The following PPARGC1A variants were observed in gnomAD, a reference collection of about 807,000 sequenced individuals.
PPARGC1A encodes the protein peroxisome proliferator-activated receptor gamma coactivator 1-alpha.
In PPARGC1A, 25 loss-of-function variants were observed where a neutral mutation model predicts 88.7. That is an observed-to-expected ratio of 0.28 (90% CI 0.21 to 0.39). The LOEUF (loss-of-function observed/expected upper bound fraction) is 0.39, where lower values mean the gene tolerates loss of function less well. Ranked by LOEUF, PPARGC1A falls within the 10% of genes least tolerant of loss-of-function variation. The pLI, the probability that PPARGC1A is intolerant of heterozygous loss-of-function variation, is 1.00. For missense variants in PPARGC1A, 880 were observed against 968.7 expected (o/e 0.91, Z 1.22); for synonymous variants, 363 against 355.6 (o/e 1.02, Z -0.24).
the PPARGC1A span, among the ~76,000 whole-genome samples, chr4:24,355,731 G>C: frequency 6.6e-6 from 1 of 152,078 alleles, no homozygotes. Context: ...TCACAAACCC[G>C]CCGAGAGACA....
the PPARGC1A span, among the ~76,000 whole-genome samples, chr4:24,367,483 C>T: frequency 1.3e-5 from 2 of 152,088 alleles, no homozygotes; most frequent in Non-Finnish European, 2.9e-5. Context: ...GCAATGAGCT[C>T]TGATATGTGA....
At chr4:24,189,403 C>T in the PPARGC1A span, among the ~76,000 whole-genome samples, 1 of 152,116 alleles carries the variant, frequency 6.6e-6, no homozygotes, top group Admixed American at 6.5e-5. Flanking sequence ...TCCATTCACT[C>T]TGCGCATGTA....
At chr4:23,954,382 T>C in the PPARGC1A span, among the ~76,000 whole-genome samples, 1 of 152,038 alleles carries the variant, frequency 6.6e-6, no homozygotes. Context: ...TTAGAGGCTC[T>C]CTGGACAATT....
intron 1 of PPARGC1A, among the ~76,000 whole-genome samples, chr4:23,886,111 C>T (rs1381980536): frequency 6.6e-6 from 1 of 152,146 alleles, no homozygotes; most frequent in Non-Finnish European, 1.5e-5. Context: ...ACAGTAAGGA[C>T]TTCATCCACC....
chr4:24,428,768 C>T, the PPARGC1A span, among the ~76,000 whole-genome samples: 1 of 152,224 alleles, frequency 6.6e-6, no homozygotes, highest in Non-Finnish European at 1.5e-5. Flanking sequence ...GACACCCCTC[C>T]TCTCTTTCCT....
the PPARGC1A span, among the ~76,000 whole-genome samples, chr4:24,174,983 A>T: frequency 6.6e-6 from 1 of 152,154 alleles, no homozygotes; most frequent in African/African-American, 2.4e-5. Flanking sequence ...CTTCTCTGGT[A>T]ATACTAAATA....
In PPARGC1A at chr4:23,824,476, G is replaced by A; in HGVS notation, c.790C>T (p.Pro264Ser). 1 of 1,610,138 alleles carries A rather than the reference G, an allele frequency of 6.2e-7. No individual in the cohort carries two copies. Among genetic ancestry groups the A allele is most frequent in the Non-Finnish European group, 8.5e-7 (1 of 1,176,942 alleles). ...KPTTLSLPLT[P>S]ESPNDPKGSP... Reference sequence around the variant, plus strand: ...CTTAATACTTACTTTGGTGACTCTGGGGTCAGAGGAAGAGATAAAGTTGTT... The same window carrying A: ...CTTAATACTTACTTTGGTGACTCTGAGGTCAGAGGAAGAGATAAAGTTGTT... The change falls in exon 6 of 13, where the codon CCA (proline) becomes TCA (serine). Residue 264 changes from proline to serine, a missense_variant. Coordinates refer to ENST00000264867, the MANE Select transcript of PPARGC1A (RefSeq NM_013261.5).
intron 2 of PPARGC1A, among the ~76,000 whole-genome samples, chr4:23,860,631 C>T (rs1367982190): frequency 6.6e-6 from 1 of 152,136 alleles, no homozygotes; most frequent in Admixed American, 6.5e-5. Flanking sequence ...GCAGAGGAAG[C>T]ACCACTAAAC....
the PPARGC1A span, among the ~76,000 whole-genome samples, chr4:24,066,849 G>GTTTTTTTTT: frequency 7.7e-4 from 78 of 100,844 alleles, no homozygotes; most frequent in African/African-American, 1.3e-3. Context: ...TTTGTTTTGG[G>GTTTTTTTTT]TTTTTTTTTT....
the PPARGC1A span, among the ~76,000 whole-genome samples, chr4:23,981,988 C>T: frequency 1.3e-5 from 2 of 152,016 alleles, no homozygotes; most frequent in African/African-American, 4.8e-5. Flanking sequence ...ACATAAAGAG[C>T]CAGAATTAAG....
At chr4:24,314,123 T>C in the PPARGC1A span, among the ~76,000 whole-genome samples, 5,530 of 152,200 alleles carry the variant, frequency 0.036, 127 homozygotes, top group Admixed American at 0.056. Context: ...GAGTAAAAAA[T>C]GCACTAGTGA....
the PPARGC1A span, among the ~76,000 whole-genome samples, chr4:23,922,551 G>A: frequency 6.6e-6 from 1 of 152,200 alleles, no homozygotes; most frequent in Non-Finnish European, 1.5e-5. Flanking sequence ...GAAACAAAAA[G>A]AGTAAGAGCA....
chr4:24,204,722 T>C, the PPARGC1A span, among the ~76,000 whole-genome samples: 10 of 152,166 alleles, frequency 6.6e-5, no homozygotes, highest in Non-Finnish European at 1.3e-4. Context: ...TACCTCTGTG[T>C]ACCATATTAG....
the PPARGC1A span, among the ~76,000 whole-genome samples, chr4:24,062,821 G>C: frequency 1.3e-5 from 2 of 152,138 alleles, no homozygotes; most frequent in African/African-American, 2.4e-5. Flanking sequence ...CAAAATGAAG[G>C]CCTCATCTAT....
upstream of PPARGC1A, among the ~76,000 whole-genome samples, chr4:23,893,866 A>G (rs1489306524): frequency 6.6e-6 from 1 of 152,194 alleles, no homozygotes; most frequent in Admixed American, 6.5e-5. Context: ...GTGGAAAGCA[A>G]GACATATACA....
chr4:23,802,073 A>G lies in PPARGC1A; in HGVS notation c.2141+151T>C, dbSNP rs945660450. 1.5e-5 allele frequency: 19 copies of G among 1,293,584 alleles called. No homozygotes were observed. The African/African-American group carries it at 2.4e-4, about 16-fold the overall frequency. 80.1% of individuals were successfully genotyped at this position (1,293,584 alleles called of 1,614,324 possible). A position where few individuals can be genotyped will look rare whatever the true frequency, so the allele number is the denominator to read the frequency against. ...GAAATCTCAACTAGAAAGATTAATAAACAGGGATGAAAGAAAATAAATAAG... is the reference window on the plus strand; with the variant it reads ...GAAATCTCAACTAGAAAGATTAATAGACAGGGATGAAAGAAAATAAATAAG... On this transcript the variant is annotated intron_variant, in intron 11 of 12. Transcript: ENST00000264867.
chr4:24,003,905 T>C, the PPARGC1A span, among the ~76,000 whole-genome samples: 1 of 151,878 alleles, frequency 6.6e-6, no homozygotes, highest in African/African-American at 2.4e-5. Context: ...CGAAAGTCCT[T>C]TTGAAGAAAA....
At chr4:24,178,791 C>A in the PPARGC1A span, among the ~76,000 whole-genome samples, 1 of 152,010 alleles carries the variant, frequency 6.6e-6, no homozygotes, top group South Asian at 2.1e-4. Flanking sequence ...AACAAAGGGC[C>A]CTTTGTTAGA....
chr4:24,191,929 C>A, the PPARGC1A span, among the ~76,000 whole-genome samples: 19 of 152,194 alleles, frequency 1.2e-4, no homozygotes, highest in African/African-American at 4.6e-4. Flanking sequence ...AGAGAGTACA[C>A]AACACTCCCA....
Sources: allele counts gnomAD v4.1 joint callset (sites outside exome capture counted in the v4.1 genomes callset), GRCh38; gene constraint gnomAD v4.1.1; transcripts MANE v1.5; gene names NCBI Gene and HGNC (gene_info 2026-07-23, HGNC 2026-07-21).